Variants in DPY19L4 observed in about 807,000 individuals in gnomAD.
DPY19L4 encodes dpy-19 like 4.
Under a neutral mutation model 102.8 loss-of-function variants are expected in DPY19L4, and 97 were observed. That is an observed-to-expected ratio of 0.94 (90% CI 0.80 to 1.12). The LOEUF (loss-of-function observed/expected upper bound fraction) is 1.12, where lower values mean the gene tolerates loss of function less well. DPY19L4 is among the 50% of genes most tolerant of loss of function. The pLI is 0.00. For synonymous variants in DPY19L4, 252 were observed against 283.1 expected (o/e 0.89, Z 1.10); for missense variants, 815 against 850.4 (o/e 0.96, Z 0.52).
At chr8:94,741,489 T>G (rs912382661) in intron 6 of DPY19L4, among the ~76,000 whole-genome samples, 1 of 152,220 alleles carries the variant, frequency 6.6e-6, no homozygotes, top group African/African-American at 2.4e-5. Flanking sequence ...TTCAAGTCAC[T>G]ATTAGAAAGT....
At chr8:94,757,052 A>G (rs967769498) in intron 7 of DPY19L4, among the ~76,000 whole-genome samples, 3 of 152,148 alleles carry the variant, frequency 2.0e-5, no homozygotes, top group Admixed American at 1.3e-4. Flanking sequence ...GATTTAAAAT[A>G]CATAAAATGA....
intron 6 of DPY19L4, among the ~76,000 whole-genome samples, chr8:94,743,471 T>G (rs1811534088): frequency 6.8e-6 from 1 of 147,030 alleles, no homozygotes; most frequent in African/African-American, 2.5e-5. Context: ...GACCTCATCA[T>G]CTCTACTTAA....
intron 2 of DPY19L4, among the ~76,000 whole-genome samples, chr8:94,732,235 TCAA>T (rs546646476): frequency 2.9e-4 from 44 of 151,734 alleles, no homozygotes; most frequent in African/African-American, 1.0e-3. Context: ...TAAAAAAAAA[TCAA>T]CAAGTTGATT....
chr8:94,727,772 G>A (rs1276042829), intron 2 of DPY19L4, among the ~76,000 whole-genome samples: 3 of 152,056 alleles, frequency 2.0e-5, no homozygotes, highest in African/African-American at 7.2e-5. Context: ...TGGTCATGTA[G>A]GTATCCTCTG....
chr8:94,758,828 AAGTTC>A (rs1812277142), intron 7 of DPY19L4, among the ~76,000 whole-genome samples: 1 of 151,422 alleles, frequency 6.6e-6, no homozygotes, highest in South Asian at 2.1e-4. Flanking sequence ...TCCGCCTCCC[AAGTTC>A]AAGCGATTAC....
At chr8:94,758,076 A>T (rs1473326630) in intron 7 of DPY19L4, among the ~76,000 whole-genome samples, 1 of 152,042 alleles carries the variant, frequency 6.6e-6, no homozygotes, top group Non-Finnish European at 1.5e-5. Flanking sequence ...ACACCACTGC[A>T]CTCCAGCCTG....
chr8:94,756,148 A>G lies in DPY19L4; in HGVS notation c.724A>G (p.Thr242Ala). The part of the protein sequence containing the change: ...LTGYLKSNLN[T>A]YGERFCYLLM... ...AGGCTATTTAAAAAGCAACTTAAAT[A>G]CTTATGGAGAGGTAAGATACAAATC... is the stretch of plus-strand genomic sequence containing the variant. The change falls in exon 7 of 19, where the codon ACT (threonine) becomes GCT (alanine). Residue 242 changes from threonine (T) to alanine (A), a missense_variant. Transcript: ENST00000414645. 3 of 1,613,086 alleles carry G rather than the reference A, an allele frequency of 1.9e-6. No homozygotes were observed. The highest frequency in any genetic ancestry group is 2.2e-5 in the South Asian group (2 of 90,740).
intron 7 of DPY19L4, among the ~76,000 whole-genome samples, 165 bp downstream of exon 7, chr8:94,756,324 G>A (rs184648852): frequency 1.3e-5 from 2 of 152,274 alleles, no homozygotes; most frequent in East Asian, 1.9e-4. Flanking sequence ...TTACAACACT[G>A]TTACTCTGTA....
In DPY19L4 at chr8:94,719,920, CGAGGGGTTCGGCGACGCG is replaced by C. The variant is rs1810374144; in HGVS notation, c.-73_-56del. The C allele has an allele frequency of 7.0e-7, 1 of 1,427,138 alleles. No individual in the cohort carries two copies. Among genetic ancestry groups the C allele is most frequent in the Admixed American group, 2.8e-5 (1 of 36,102 alleles). The allele number at this position is 1,427,138 out of a possible 1,614,324, so 88.4% of individuals were successfully genotyped here. On this transcript the variant is annotated 5_prime_UTR_variant, in exon 1 of 19. Coordinates refer to ENST00000414645, the MANE Select transcript of DPY19L4 (RefSeq NM_181787.3). ...CGGCCAGGAGCGGGCCCCCGGAGGCCGAGGGGTTCGGCGACGCGGAGGGAGGGAGAGTCTGGGCCGCGC... is the reference window on the plus strand; with the variant it reads ...CGGCCAGGAGCGGGCCCCCGGAGGCCGAGGGAGGGAGAGTCTGGGCCGCGC...
At chr8:94,763,314 T>C (rs1396774611) in intron 8 of DPY19L4, among the ~76,000 whole-genome samples, 2 of 150,480 alleles carry the variant, frequency 1.3e-5, no homozygotes, top group African/African-American at 4.9e-5. Context: ...TTTTCTGTCT[T>C]TTTGTTTGTT....
rs145565151 is a variant in DPY19L4 at position 94,767,013 on chromosome 8, T to C, written c.1175+328T>C. On this transcript the variant is annotated intron_variant, in intron 11 of 18. Transcript: ENST00000414645. Reference sequence around the variant, plus strand: ...TGAGCCTGGGAGGTGGAGGTCATAGTGAGCCAAGATCACGCCAGTGCACCC... The same window carrying C: ...TGAGCCTGGGAGGTGGAGGTCATAGCGAGCCAAGATCACGCCAGTGCACCC... 7.8e-4 allele frequency among the ~76,000 whole-genome samples: 117 copies of C among 149,366 alleles called. 1 individual carries two copies. Among genetic ancestry groups the C allele is most frequent in the African/African-American group, 2.7e-3 (108 of 40,474 alleles).
At chr8:94,743,185 A>G (rs1811520841) in intron 6 of DPY19L4, among the ~76,000 whole-genome samples, 1 of 151,164 alleles carries the variant, frequency 6.6e-6, no homozygotes, top group Non-Finnish European at 1.5e-5. Flanking sequence ...CCACCACCAC[A>G]CCCAGCTAAT....
chr8:94,732,603 T>G (rs1811010355), intron 2 of DPY19L4, among the ~76,000 whole-genome samples: 1 of 152,144 alleles, frequency 6.6e-6, no homozygotes, highest in South Asian at 2.1e-4. Context: ...TTTTAAAACA[T>G]GATAATCAAA....
intron 8 of DPY19L4, among the ~76,000 whole-genome samples, chr8:94,764,717 A>ATTTATTTTT (rs1812582828): frequency 3.4e-5 from 1 of 29,326 alleles, no homozygotes; most frequent in Non-Finnish European, 5.6e-5. Flanking sequence ...ATATATATAT[A>ATTTATTTTT]TTTTTTTTTT....
intron 6 of DPY19L4, among the ~76,000 whole-genome samples, chr8:94,754,874 C>T (rs925867946): frequency 5.9e-5 from 9 of 152,160 alleles, no homozygotes; most frequent in Admixed American, 5.2e-4. Flanking sequence ...CTGCAACCTC[C>T]GCCTCCCAGG....
rs954954058 is a variant in DPY19L4, at chr8:94,739,863, C to T, written c.611+73C>T. 7 of 1,539,006 alleles carry T rather than the reference C, an allele frequency of 4.5e-6. No individual in the cohort carries two copies. In the African/African-American group the frequency reaches 8.8e-5, roughly 19 times the overall value. On this transcript the variant is annotated intron_variant, in intron 6 of 18. Transcript: ENST00000414645. ...GTAGTCAGAGTTCTGAAAATGCCTCCCCTCCCCAACAGTCCTCACTCTAAT... is the reference window on the plus strand; with the variant it reads ...GTAGTCAGAGTTCTGAAAATGCCTCTCCTCCCCAACAGTCCTCACTCTAAT...
intron 1 of DPY19L4, chr8:94,720,352 G>A (rs1810404685): frequency 1.2e-6 from 1 of 817,148 alleles, no homozygotes; most frequent in African/African-American, 1.9e-5. Flanking sequence ...GTTTGGTTTC[G>A]AAGATCAGGT....
At chr8:94,748,406 T>C (rs1235416925) in intron 6 of DPY19L4, among the ~76,000 whole-genome samples, 3 of 152,138 alleles carry the variant, frequency 2.0e-5, no homozygotes, top group Non-Finnish European at 4.4e-5. Flanking sequence ...CTGGGGTCCT[T>C]CTGCCCCACC....
chr8:94,778,516 GC>G (rs1813285859), intron 14 of DPY19L4, among the ~76,000 whole-genome samples: 1 of 152,000 alleles, frequency 6.6e-6, no homozygotes, highest in Non-Finnish European at 1.5e-5. Flanking sequence ...TAAGAATTCG[GC>G]CCTCTGTCCC....
Sources: allele counts gnomAD v4.1 joint callset (sites outside exome capture counted in the v4.1 genomes callset), GRCh38; gene constraint gnomAD v4.1.1; transcripts MANE v1.5; gene names NCBI Gene and HGNC (gene_info 2026-07-23, HGNC 2026-07-21).